Variants in RSU1 observed in about 807,000 individuals in gnomAD.
RSU1 encodes the protein rsu-1.
A neutral mutation model predicts 31.1 loss-of-function variants in RSU1; 26 were observed. The ratio of observed to expected loss-of-function variants is 0.84; its 90% CI spans 0.61 to 1.16. The LOEUF (loss-of-function observed/expected upper bound fraction) is 1.16, where lower values mean the gene tolerates loss of function less well. RSU1 is among the 50% of genes most tolerant of loss of function. The pLI is 0.00. For missense variants in RSU1, 320 were observed against 339.1 expected, an observed-to-expected ratio of 0.94 and a Z score of 0.44; for synonymous variants, 164 against 136.3, an observed-to-expected ratio of 1.20 and a Z score of -1.41.
intron 8 of RSU1, among the ~76,000 whole-genome samples, chr10:16,656,461 G>T (rs10904783): frequency 0.29 from 43,919 of 152,032 alleles, 6,487 homozygotes; most frequent in African/African-American, 0.32. Context: ...GTTTTTGTTT[G>T]CTTGTTTGTT....
chr10:16,620,013 T>C (rs1235176896), intron 8 of RSU1, among the ~76,000 whole-genome samples: 2 of 152,204 alleles, frequency 1.3e-5, no homozygotes, highest in Non-Finnish European at 2.9e-5. Context: ...CACATACTCA[T>C]AATTATTGAC....
rs780510248 is a variant in RSU1 at position 16,646,089 on chromosome 10, CATACAT to C, written c.731+48928_731+48933del. Reference sequence around the variant, plus strand: ...ACACACACACACACACACACACACACATACATATATAAATGTGCATTCAAAACAGAA... The same window carrying C: ...ACACACACACACACACACACACACACATATAAATGTGCATTCAAAACAGAA... On this transcript the variant is annotated intron_variant, in intron 8 of 8. Transcript: ENST00000345264. Among the ~76,000 whole-genome samples the C allele has an allele frequency of 1.7e-5, 2 of 119,230 alleles. 1 individual carries two copies. Among genetic ancestry groups the C allele is most frequent in the African/African-American group, 7.6e-5 (2 of 26,198 alleles). 78.2% of individuals were successfully genotyped at this position (119,230 alleles called of 152,430 possible).
chr10:16,623,924 G>A (rs1834114128), intron 8 of RSU1, among the ~76,000 whole-genome samples: 1 of 152,120 alleles, frequency 6.6e-6, no homozygotes. Flanking sequence ...GTTTTAAGGT[G>A]CTTCTTTTTG....
chr10:16,719,691 A>G (rs1018423381), intron 7 of RSU1, among the ~76,000 whole-genome samples: 1 of 152,210 alleles, frequency 6.6e-6, no homozygotes, highest in African/African-American at 2.4e-5. Flanking sequence ...CAGGGGCCGC[A>G]CAGACTTGCT....
intron 4 of RSU1, among the ~76,000 whole-genome samples, chr10:16,759,481 T>C (rs1240962668): frequency 6.6e-6 from 1 of 152,212 alleles, no homozygotes; most frequent in Non-Finnish European, 1.5e-5. Flanking sequence ...CACTCCAGCC[T>C]GGGTGACAGA....
chr10:16,791,400 G>A (rs1010358578), intron 2 of RSU1, among the ~76,000 whole-genome samples: 7 of 152,124 alleles, frequency 4.6e-5, no homozygotes, highest in East Asian at 1.9e-4. Context: ...TTCGGAGGCC[G>A]AGGTGGGCAG....
chr10:16,714,726 G>A (rs1382107494), intron 7 of RSU1, among the ~76,000 whole-genome samples: 1 of 152,080 alleles, frequency 6.6e-6, no homozygotes, highest in African/African-American at 2.4e-5. Flanking sequence ...GTGGTATAAG[G>A]ACAGCTAGGC....
At chr10:16,663,738 C>T (rs1399953869) in intron 8 of RSU1, among the ~76,000 whole-genome samples, 3 of 152,162 alleles carry the variant, frequency 2.0e-5, no homozygotes, top group Non-Finnish European at 2.9e-5. Context: ...GCTCTGCATA[C>T]CCCACAGATC....
chr10:16,612,544 C>T (rs1833910325), intron 8 of RSU1, among the ~76,000 whole-genome samples: 1 of 152,192 alleles, frequency 6.6e-6, no homozygotes, highest in African/African-American at 2.4e-5. Context: ...CATTCACAGG[C>T]TAAGCTGTTC....
chr10:16,600,788 T>G (rs147401671), intron 8 of RSU1, among the ~76,000 whole-genome samples: 2,344 of 152,170 alleles, frequency 0.015, 73 homozygotes, highest in African/African-American at 0.053. Context: ...TTTCAAACTC[T>G]GGGGTTCAAG....
chr10:16,597,503 C>G (rs1430331887), intron 8 of RSU1, among the ~76,000 whole-genome samples: 1 of 152,120 alleles, frequency 6.6e-6, no homozygotes, highest in African/African-American at 2.4e-5. Flanking sequence ...CAATGTTTGC[C>G]TCCCTCTCCG....
chr10:16,733,277 G>A (rs1474188737), intron 7 of RSU1, among the ~76,000 whole-genome samples: 1 of 149,420 alleles, frequency 6.7e-6, no homozygotes, highest in Non-Finnish European at 1.5e-5. Flanking sequence ...GATCACCTGA[G>A]GTCAGGAGTT....
At chr10:16,755,086 C>T (rs1643121404) in intron 4 of RSU1, 97 bp from the exon 5 acceptor site, 2 of 686,110 alleles carry the variant, frequency 2.9e-6, no homozygotes, top group Non-Finnish European at 5.2e-6. Context: ...AAGTGTAAGA[C>T]AGTGCCATGA....
chr10:16,694,286 T>A (rs1835629605), intron 8 of RSU1, among the ~76,000 whole-genome samples: 1 of 152,212 alleles, frequency 6.6e-6, no homozygotes, highest in South Asian at 2.1e-4. Context: ...GAGATTATCA[T>A]CTCACTACAG....
At chr10:16,776,970 G>GTGCA (rs1385554747) in intron 3 of RSU1, among the ~76,000 whole-genome samples, 2 of 151,670 alleles carry the variant, frequency 1.3e-5, no homozygotes, top group Non-Finnish European at 2.9e-5. Context: ...CCAGGCTGGA[G>GTGCA]TGCAGTAGTA....
intron 7 of RSU1, among the ~76,000 whole-genome samples, chr10:16,712,566 G>C (rs1462754281): frequency 6.6e-6 from 1 of 152,124 alleles, no homozygotes; most frequent in Non-Finnish European, 1.5e-5. Flanking sequence ...ACATCAACCT[G>C]ATAGCAATTT....
At chr10:16,791,129 C>A (rs1427972274) in intron 2 of RSU1, among the ~76,000 whole-genome samples, 1 of 152,074 alleles carries the variant, frequency 6.6e-6, no homozygotes, top group South Asian at 2.1e-4. Context: ...CAGTTTCAAG[C>A]AATTCTCGTG....
At chr10:16,768,832 C>G (rs1837369979) in intron 3 of RSU1, among the ~76,000 whole-genome samples, 1 of 152,190 alleles carries the variant, frequency 6.6e-6, no homozygotes, top group African/African-American at 2.4e-5. Flanking sequence ...CCACAAGCAG[C>G]CCAAAGTGCC....
At chr10:16,813,214 A>C (rs962494897) in intron 2 of RSU1, among the ~76,000 whole-genome samples, 2 of 152,180 alleles carry the variant, frequency 1.3e-5, no homozygotes, top group African/African-American at 4.8e-5. Flanking sequence ...TGTGTGTGCA[A>C]ATTACATGCC....
Sources: gnomAD v4.1 joint callset for allele counts (sites outside exome capture counted in the v4.1 genomes callset) on GRCh38, gnomAD v4.1.1 for gene constraint, MANE v1.5 for transcripts, NCBI Gene and HGNC (gene_info 2026-07-23, HGNC 2026-07-21) for gene names.